Variants in ABCA12 observed in about 807,000 individuals in gnomAD.
ABCA12 encodes glucosylceramide transporter ABCA12.
ABCA12 carries 156 observed loss-of-function variants against 293.5 expected under a neutral mutation model. That is an observed-to-expected ratio of 0.53 (90% CI 0.47 to 0.61). The LOEUF (loss-of-function observed/expected upper bound fraction) is 0.61, where lower values mean the gene tolerates loss of function less well. Ranked by LOEUF, ABCA12 falls within the 20% of genes least tolerant of loss-of-function variation. ABCA12 has a pLI of 0.00. For synonymous variants in ABCA12, 1,063 were observed against 1,108.0 expected, an observed-to-expected ratio of 0.96 and a Z score of 0.81; for missense variants, 2,797 against 3,090.2, an observed-to-expected ratio of 0.91 and a Z score of 2.25.
At chr2:215,137,172 A>T (rs1304508970) in intron 1 of ABCA12, among the ~76,000 whole-genome samples, 4 of 152,186 alleles carry the variant, frequency 2.6e-5, no homozygotes, top group Admixed American at 2.6e-4. Context: ...GTAAATGAAC[A>T]TCTACTTCCT....
chr2:214,997,631 G>A (rs1338695276), intron 23 of ABCA12, 64 bp downstream of exon 23: 1 of 1,244,432 alleles, frequency 8.0e-7, no homozygotes, highest in Admixed American at 1.8e-5. Flanking sequence ...AAGGCATGAT[G>A]AAAATCATAG....
At chr2:214,937,805 AT>A (rs1698266946) in intron 50 of ABCA12, among the ~76,000 whole-genome samples, 190 bp from the exon 51 acceptor site, 1 of 152,086 alleles carries the variant, frequency 6.6e-6, no homozygotes, top group African/African-American at 2.4e-5. Flanking sequence ...ATGATTTTTT[AT>A]TTATTTCTAC....
Position 214,982,615 on chromosome 2 carries a change from A to C in ABCA12, c.4383-232T>G, listed in dbSNP as rs568309747. On this transcript the variant is annotated intron_variant, in intron 29 of 52. Coordinates refer to ENST00000272895, the MANE Select transcript of ABCA12 (RefSeq NM_173076.3). ...AAGTACAAAATTAATGTACTTTACA[A>C]AGTACAAAATTAATACTCAGAAAAA... 3.3e-5 allele frequency among the ~76,000 whole-genome samples: 5 copies of C among 152,348 alleles called. No homozygotes were observed. In the South Asian group the frequency reaches 1.0e-3, roughly 32 times the overall value.
intron 9 of ABCA12, among the ~76,000 whole-genome samples, 190 bp downstream of exon 9, chr2:215,031,631 T>C (rs1211871718): frequency 6.6e-6 from 1 of 152,246 alleles, no homozygotes; most frequent in Admixed American, 6.5e-5. Context: ...TGCTTAAATA[T>C]CATTAAATAA....
In ABCA12 at chr2:215,019,654, G is replaced by A; in HGVS notation, c.1430C>T (p.Ala477Val). Reference sequence around the variant, plus strand: ...GGCTGCTATTTCGGTGCCCAGCTCTGCCGCTTCGAGGAGTTGCAGATCAAA... The same window carrying A: ...GGCTGCTATTTCGGTGCCCAGCTCTACCGCTTCGAGGAGTTGCAGATCAAA... ...SEFDLQLLEA[A>V]ELGTEIAASL... The change falls in exon 12 of 53, where the codon GCA becomes GTA. Residue 477 changes from alanine to valine, a missense_variant. By Grantham distance (64) the Ala-to-Val change is moderately conservative. Around this residue, in one of 3 missense-constraint regions of ABCA12, gnomAD observed 656 missense variants for 638.2 expected, o/e 1.03. Coordinates refer to ENST00000272895, the MANE Select transcript of ABCA12 (RefSeq NM_173076.3). The A allele has an allele frequency of 6.2e-7, 1 of 1,614,116 alleles. No homozygotes were observed. Among genetic ancestry groups the A allele is most frequent in the Non-Finnish European group, 8.5e-7 (1 of 1,180,034 alleles).
intron 1 of ABCA12, among the ~76,000 whole-genome samples, chr2:215,137,712 C>G (rs1165954905): frequency 6.6e-6 from 1 of 152,190 alleles, no homozygotes; most frequent in African/African-American, 2.4e-5. Flanking sequence ...TACCTTTCAA[C>G]CAAACTTTCT....
intron 2 of ABCA12, among the ~76,000 whole-genome samples, chr2:215,098,173 C>T (rs1302536229): frequency 2.6e-5 from 4 of 152,104 alleles, no homozygotes; most frequent in South Asian, 4.1e-4. Flanking sequence ...TTTCTCTTTG[C>T]GGTTTAAATG....
rs554226638 is a variant in ABCA12, at chr2:215,129,139, T to C, written c.69+9001A>G. On this transcript the variant is annotated intron_variant, in intron 1 of 52. Coordinates refer to ENST00000272895, the MANE Select transcript of ABCA12 (RefSeq NM_173076.3). ...TGTGGGTTGTCTGCACAGAGTCCTG[T>C]GATGTGAACTGTCTATGGTCTCTCA... 1.8e-4 allele frequency among the ~76,000 whole-genome samples: 28 copies of C among 152,276 alleles called. 1 individual carries two copies. The South Asian group carries it at 5.2e-3, about 28-fold the overall frequency.
At chr2:214,959,203 C>CT (rs76735638) in intron 39 of ABCA12, 125 bp from the exon 40 acceptor site, 2,345 of 719,966 alleles carry the variant, frequency 3.3e-3, no homozygotes, top group South Asian at 4.4e-3. Context: ...TTTGGGGGAC[C>CT]TTTTTTTTTT....
At chr2:215,095,247 C>T (rs946568710) in intron 2 of ABCA12, among the ~76,000 whole-genome samples, 3 of 152,104 alleles carry the variant, frequency 2.0e-5, no homozygotes, top group Non-Finnish European at 4.4e-5. Flanking sequence ...AAAGATAGAG[C>T]CCAAAAACTC....
intron 2 of ABCA12, among the ~76,000 whole-genome samples, chr2:215,076,440 T>C (rs9288504): frequency 0.99 from 150,821 of 152,328 alleles, 74,673 homozygotes; most frequent in Middle Eastern, 1. Flanking sequence ...GAAAAGAAAA[T>C]ACTTCAGCAA....
chr2:215,082,263 T>C (rs1701959305), intron 2 of ABCA12, among the ~76,000 whole-genome samples: 2 of 152,096 alleles, frequency 1.3e-5, no homozygotes, highest in South Asian at 4.2e-4. Flanking sequence ...CAGGCTGGTC[T>C]CGAACTCCTG....
intron 26 of ABCA12, among the ~76,000 whole-genome samples, chr2:214,988,030 T>C (rs564342234): frequency 3.9e-5 from 6 of 152,334 alleles, no homozygotes; most frequent in African/African-American, 1.2e-4. Flanking sequence ...TGTACACTTA[T>C]TGTAATGGAA....
At chr2:215,132,984 T>G (rs184371221) in intron 1 of ABCA12, among the ~76,000 whole-genome samples, 1 of 151,966 alleles carries the variant, frequency 6.6e-6, no homozygotes, top group East Asian at 1.9e-4. Flanking sequence ...TTTATGAAGC[T>G]CAGTTTGGCA....
At chr2:215,138,038 G>T in intron 1 of ABCA12, 102 bp downstream of exon 1, 1 of 1,171,996 alleles carries the variant, frequency 8.5e-7, no homozygotes. Context: ...TTTGGAAAAT[G>T]CCTTTAAACT....
In ABCA12 at chr2:214,974,255, C is replaced by T. The variant is rs548314248; in HGVS notation, c.5469-213G>A. ...GACAAGGGAGAGCATTTATTGATTA[C>T]ATAGTATTGAGACCAGTGCTTATTG... On this transcript the variant is annotated intron_variant, in intron 35 of 52. Transcript: ENST00000272895. Among the ~76,000 whole-genome samples, 22 of 152,282 alleles carry T rather than the reference C, an allele frequency of 1.4e-4. 1 individual carries two copies. The South Asian group carries it at 4.6e-3, about 32-fold the overall frequency.
chr2:214,945,790 A>G (rs1417959117), intron 48 of ABCA12, among the ~76,000 whole-genome samples: 1 of 152,196 alleles, frequency 6.6e-6, no homozygotes, highest in Non-Finnish European at 1.5e-5. Context: ...TACTTGTAAC[A>G]AAGAATATGT....
At chr2:215,090,973 G>T (rs549721259) in intron 2 of ABCA12, among the ~76,000 whole-genome samples, 3 of 152,098 alleles carry the variant, frequency 2.0e-5, no homozygotes, top group African/African-American at 7.2e-5. Flanking sequence ...GGTTCTAAAT[G>T]GCCAGAAAAT....
intron 39 of ABCA12, among the ~76,000 whole-genome samples, chr2:214,961,191 C>G (rs1699102117): frequency 1.3e-5 from 2 of 151,998 alleles, no homozygotes; most frequent in African/African-American, 4.8e-5. Context: ...TGAAAGAGAT[C>G]GAGTTCCTTC....
Sources: gnomAD v4.1 joint callset for allele counts (sites outside exome capture counted in the v4.1 genomes callset) on GRCh38, gnomAD v4.1.1 for gene constraint, gnomAD v4.1.1 regional missense constraint, MANE v1.5 for transcripts, NCBI Gene and HGNC (gene_info 2026-07-23, HGNC 2026-07-21) for gene names.